KCTD20: variants seen among roughly 807,000 people sequenced by gnomAD.
KCTD20 encodes the protein potassium channel tetramerization domain containing 20.
Under a neutral mutation model 39.6 loss-of-function variants are expected in KCTD20, and 30 were observed. The ratio of observed to expected loss-of-function variants is 0.76; its 90% CI spans 0.57 to 1.03. The LOEUF (loss-of-function observed/expected upper bound fraction) is 1.03. KCTD20 is among the 50% of genes least tolerant of loss of function. KCTD20 has a pLI of 0.00. For synonymous variants in KCTD20, 162 were observed against 180.6 expected (o/e 0.90, Z 0.83); for missense variants, 422 against 522.0 (o/e 0.81, Z 1.87).
intron 1 of KCTD20, among the ~76,000 whole-genome samples, chr6:36,463,692 C>A (rs6905686): frequency 0.26 from 38,969 of 152,038 alleles, 5,454 homozygotes; most frequent in East Asian, 0.39. Flanking sequence ...ATGCCATCAT[C>A]TTTGAGGAAC....
chr6:36,490,923 A>G lies in KCTD20; in HGVS notation c.*3748A>G, dbSNP rs1776568391. 6.6e-6 allele frequency: 1 copy of G among 152,254 alleles called. No individual in the cohort carries two copies. The highest frequency in any genetic ancestry group is 2.4e-5 in the African/African-American group (1 of 41,464). The allele number at this position is 152,254 out of a possible 1,614,324, so 9.4% of individuals were successfully genotyped here. A position where few individuals can be genotyped will look rare whatever the true frequency, so the allele number is the denominator to read the frequency against. ...TTATTGAAATGGGAATACTGAGCTC[A>G]GAAAGCAAATATGATGCTTTCATGG... On this transcript the variant is annotated 3_prime_UTR_variant, in exon 8 of 8. Coordinates refer to ENST00000373731, the MANE Select transcript of KCTD20 (RefSeq NM_173562.5).
At chr6:36,477,683 C>T (rs1484973789) in intron 3 of KCTD20, among the ~76,000 whole-genome samples, 3 of 150,500 alleles carry the variant, frequency 2.0e-5, no homozygotes, top group Non-Finnish European at 4.4e-5. Context: ...GACAGGGTTT[C>T]ACCATTCTAG....
At chr6:36,448,553 G>A (rs1403427506) in intron 1 of KCTD20, among the ~76,000 whole-genome samples, 2 of 152,186 alleles carry the variant, frequency 1.3e-5, no homozygotes, top group Non-Finnish European at 2.9e-5. Flanking sequence ...GGCTGCCAAA[G>A]CAAAGGACCA....
intron 1 of KCTD20, among the ~76,000 whole-genome samples, chr6:36,460,433 A>C (rs372001059): frequency 3.3e-5 from 5 of 152,270 alleles, no homozygotes; most frequent in East Asian, 1.9e-4. Flanking sequence ...CCTCCCGAGT[A>C]GTTAGAACTA....
At chr6:36,458,946 T>G (rs937212752) in intron 1 of KCTD20, among the ~76,000 whole-genome samples, 5 of 151,656 alleles carry the variant, frequency 3.3e-5, no homozygotes, top group African/African-American at 1.2e-4. Flanking sequence ...CCAAGTCTGT[T>G]TTTTCTTTTT....
intron 1 of KCTD20, among the ~76,000 whole-genome samples, chr6:36,452,351 A>G (rs1313732842): frequency 6.6e-6 from 1 of 152,138 alleles, no homozygotes; most frequent in Non-Finnish European, 1.5e-5. Context: ...TCTTTACTAG[A>G]TATAGGACTT....
chr6:36,486,946 A>G lies in KCTD20; in HGVS notation c.1031A>G (p.Asn344Ser). The G allele has an allele frequency of 6.2e-7, 1 of 1,614,182 alleles. No homozygotes were observed. The highest frequency in any genetic ancestry group is 8.5e-7 in the Non-Finnish European group (1 of 1,180,012). Residue 344 changes from asparagine to serine, a missense_variant, in exon 8 of 8, where the codon AAT becomes AGT. By Grantham distance (46) the Asn-to-Ser change is conservative (BLOSUM62 1). Transcript: ENST00000373731. The part of the protein sequence containing the change: ...RPGGRSEVIY[N>S]YVQRPFIQMS... ...GGCGGCCGGTCTGAAGTCATCTATA[A>G]TTATGTACAACGCCCCTTCATCCAG...
At chr6:36,445,161 C>T (rs1356055810) in intron 1 of KCTD20, among the ~76,000 whole-genome samples, 2 of 150,614 alleles carry the variant, frequency 1.3e-5, no homozygotes, top group East Asian at 3.9e-4. Flanking sequence ...ACACGGGAGG[C>T]TGAGGCCGGA....
intron 3 of KCTD20, among the ~76,000 whole-genome samples, chr6:36,475,378 G>A (rs1325050036): frequency 6.6e-6 from 1 of 151,960 alleles, no homozygotes; most frequent in Non-Finnish European, 1.5e-5. Context: ...GAACCTGGAA[G>A]GTGGAGGTTG....
chr6:36,468,570 GA>G (rs1271588892), intron 1 of KCTD20, among the ~76,000 whole-genome samples: 1 of 152,150 alleles, frequency 6.6e-6, no homozygotes, highest in Non-Finnish European at 1.5e-5. Context: ...CAATTCCATG[GA>G]CCTTGTTCTT....
intron 1 of KCTD20, among the ~76,000 whole-genome samples, chr6:36,462,701 C>G (rs1487140899): frequency 6.6e-6 from 1 of 152,160 alleles, no homozygotes; most frequent in African/African-American, 2.4e-5. Context: ...AATACATTAT[C>G]TCAACAACTA....
At position 36,469,842 on chromosome 6, in the gene KCTD20, C is replaced by T. The variant is rs1041408717; in HGVS notation, c.-46-210C>T. Among the ~76,000 whole-genome samples, 20 of 152,264 alleles carry T rather than the reference C, an allele frequency of 1.3e-4. No homozygotes were observed. The highest frequency in any genetic ancestry group is 8.3e-4 in the South Asian group (4 of 4,826). Reference sequence around the variant, plus strand: ...CATGGATAAAATTATTCCCTGGTAACAAGTTTATCTGCATTCTTAGTAATT... The same window carrying T: ...CATGGATAAAATTATTCCCTGGTAATAAGTTTATCTGCATTCTTAGTAATT... On this transcript the variant is annotated intron_variant, in intron 1 of 7. Coordinates refer to ENST00000373731, the MANE Select transcript of KCTD20 (RefSeq NM_173562.5). The surrounding 1 kb of genome is among the most constrained non-coding windows in gnomAD (Gnocchi z 4.6).
intron 1 of KCTD20, among the ~76,000 whole-genome samples, chr6:36,450,186 AAAAAG>A (rs1775202375): frequency 5.0e-5 from 5 of 100,952 alleles, no homozygotes; most frequent in South Asian, 3.4e-4. Context: ...AAAAAAAAAA[AAAAAG>A]AAGTTATGTA....
chr6:36,454,286 A>G (rs750975466), intron 1 of KCTD20, among the ~76,000 whole-genome samples: 4 of 151,920 alleles, frequency 2.6e-5, no homozygotes, highest in African/African-American at 4.8e-5. Flanking sequence ...CAAATTGTCT[A>G]TGACTGCTTT....
rs953827386 is a variant in KCTD20 at position 36,487,302 on chromosome 6, C to T, written c.*127C>T. On this transcript the variant is annotated 3_prime_UTR_variant, in exon 8 of 8. Coordinates refer to ENST00000373731, the MANE Select transcript of KCTD20 (RefSeq NM_173562.5). ...TCTCCCCTAACCTTTTCCTTTCTGC[C>T]ATAATTAACATATGTCCTTTTCAGT... The T allele has an allele frequency of 2.2e-6, 2 of 908,714 alleles. No individual in the cohort carries two copies. The highest frequency in any genetic ancestry group is 1.7e-5 in the African/African-American group (1 of 60,028). 56.3% of individuals were successfully genotyped at this position (908,714 alleles called of 1,614,324 possible).
At chr6:36,452,136 G>A (rs1182794991) in intron 1 of KCTD20, among the ~76,000 whole-genome samples, 1 of 152,086 alleles carries the variant, frequency 6.6e-6, no homozygotes. Flanking sequence ...TGAATCATAT[G>A]AATTGATTTT....
intron 1 of KCTD20, among the ~76,000 whole-genome samples, chr6:36,459,021 G>A (rs2127435694): frequency 6.6e-6 from 1 of 152,052 alleles, no homozygotes; most frequent in Admixed American, 6.5e-5. Flanking sequence ...AAGAAGTAAA[G>A]ATGGCTGGGC....
chr6:36,478,039 G>C (rs981316560), intron 3 of KCTD20, among the ~76,000 whole-genome samples: 16 of 148,948 alleles, frequency 1.1e-4, no homozygotes, highest in African/African-American at 3.5e-4. Flanking sequence ...AGGTTGCAGT[G>C]AGCCGAGATC....
At chr6:36,463,006 A>G (rs572625956) in intron 1 of KCTD20, among the ~76,000 whole-genome samples, 16 of 152,350 alleles carry the variant, frequency 1.1e-4, no homozygotes, top group African/African-American at 3.4e-4. Flanking sequence ...AGTGTGTACA[A>G]TTATCTAAGC....
Sources: gnomAD v4.1 joint callset for allele counts (sites outside exome capture counted in the v4.1 genomes callset) on GRCh38, gnomAD v4.1.1 for gene constraint, Gnocchi (gnomAD v3.1) non-coding constraint, MANE v1.5 for transcripts, NCBI Gene and HGNC (gene_info 2026-07-23, HGNC 2026-07-21) for gene names.